MEGF11: variants seen among roughly 807,000 people sequenced by gnomAD.
MEGF11 encodes multiple epidermal growth factor-like domains protein 11.
MEGF11 carries 126 observed loss-of-function variants against 146.6 expected under a neutral mutation model. The ratio of observed to expected loss-of-function variants is 0.86; its 90% confidence interval spans 0.74 to 1.00. The LOEUF (loss-of-function observed/expected upper bound fraction) is 1.00, where lower values mean the gene tolerates loss of function less well. Ranked by LOEUF, MEGF11 falls within the 50% of genes least tolerant of loss-of-function variation. MEGF11 has a pLI of 0.00. For synonymous variants in MEGF11, 532 were observed against 583.4 expected (o/e 0.91, Z 1.27); for missense variants, 1,509 against 1,521.2 (o/e 0.99, Z 0.13).
At chr15:66,201,058 C>T (rs1193893718) in intron 1 of MEGF11, among the ~76,000 whole-genome samples, 1 of 152,248 alleles carries the variant, frequency 6.6e-6, no homozygotes, top group East Asian at 1.9e-4. Flanking sequence ...ACCACATGGC[C>T]TCCATGTGAC....
At chr15:66,167,478 C>T (rs924709744) in intron 1 of MEGF11, among the ~76,000 whole-genome samples, 1 of 152,036 alleles carries the variant, frequency 6.6e-6, no homozygotes, top group Non-Finnish European at 1.5e-5. Flanking sequence ...TCCGTCTCTA[C>T]TAAAAATACA....
At chr15:66,136,006 TCTC>T (rs1436234543) in intron 1 of MEGF11, among the ~76,000 whole-genome samples, 17 of 151,956 alleles carry the variant, frequency 1.1e-4, no homozygotes, top group African/African-American at 3.6e-4. Flanking sequence ...CTCCTCATCT[TCTC>T]CTCCCTCTTC....
At chr15:65,901,473 T>C (rs1283178228) in intron 24 of MEGF11, among the ~76,000 whole-genome samples, 5 of 151,536 alleles carry the variant, frequency 3.3e-5, no homozygotes, top group African/African-American at 1.2e-4. Flanking sequence ...GCTCAGAAAA[T>C]TTGCTAGTAT....
In MEGF11 at chr15:65,906,215, T is replaced by C; in HGVS notation, c.2999-74A>G. 3.6e-6 allele frequency: 4 copies of C among 1,098,304 alleles called. No individual in the cohort carries two copies. The South Asian group carries it at 5.6e-5, about 15-fold the overall frequency. 68.0% of individuals were successfully genotyped at this position (1,098,304 alleles called of 1,614,324 possible). A position where few individuals can be genotyped will look rare whatever the true frequency, so the allele number is the denominator to read the frequency against. On this transcript the variant is annotated intron_variant, in intron 23 of 25. Coordinates refer to ENST00000395614, the MANE Select transcript of MEGF11 (RefSeq NM_001385028.1). ...CTTAGACTGCTTGTGTTCTTCTTTC[T>C]TTTCTTGCTTTTCCCCCCCCTTCTC...
intron 3 of MEGF11, among the ~76,000 whole-genome samples, chr15:66,122,686 T>C (rs1464226616): frequency 6.6e-6 from 1 of 152,230 alleles, no homozygotes; most frequent in Non-Finnish European, 1.5e-5. Context: ...TCCTCCATTT[T>C]CCCCTGTATT....
intron 5 of MEGF11, among the ~76,000 whole-genome samples, chr15:66,059,694 G>A (rs961026330): frequency 1.3e-5 from 2 of 152,112 alleles, no homozygotes; most frequent in South Asian, 4.2e-4. Context: ...CAGAGGGAGA[G>A]ATCCAGTGAT....
At chr15:66,189,846 T>TA (rs2090822209) in intron 1 of MEGF11, among the ~76,000 whole-genome samples, 3 of 54,296 alleles carry the variant, frequency 5.5e-5, no homozygotes, top group South Asian at 7.9e-4. Flanking sequence ...GGGCATTAAA[T>TA]CCCACTCGAA....
At chr15:66,242,101 A>G (rs1018245954) in intron 1 of MEGF11, among the ~76,000 whole-genome samples, 3 of 152,138 alleles carry the variant, frequency 2.0e-5, no homozygotes, top group Admixed American at 6.5e-5. Flanking sequence ...AGTCTTCACA[A>G]AGCAGCACTA....
At chr15:66,136,269 C>T (rs535769068) in intron 1 of MEGF11, among the ~76,000 whole-genome samples, 5 of 152,334 alleles carry the variant, frequency 3.3e-5, no homozygotes, top group Middle Eastern at 3.4e-3. Context: ...CTGTCGTGGT[C>T]GGGATCCTTA....
rs1361013915 is a variant in MEGF11, at chr15:66,008,614, A to G, written c.395-26126T>C. Among the ~76,000 whole-genome samples the G allele has an allele frequency of 2.0e-5, 3 of 152,216 alleles. No homozygotes were observed. In the East Asian group the frequency reaches 5.8e-4, roughly 29 times the overall value. ...AAAAGTGGGAGGATTGCTTGAGCCCAAGAGTTCCAGACCAGCCTTGGCAAT... is the reference window on the plus strand; with the variant it reads ...AAAAGTGGGAGGATTGCTTGAGCCCGAGAGTTCCAGACCAGCCTTGGCAAT... On this transcript the variant is annotated intron_variant, in intron 5 of 25. Transcript: ENST00000395614.
Position 66,128,391 on chromosome 15 carries a change from G to T in MEGF11, c.13C>A (p.Leu5Met). 6.6e-7 allele frequency: 1 copy of T among 1,514,422 alleles called. No individual in the cohort carries two copies. Among genetic ancestry groups the T allele is most frequent in the Non-Finnish European group, 8.9e-7 (1 of 1,129,700 alleles). The allele number at this position is 1,514,422 out of a possible 1,614,324, so 93.8% of individuals were successfully genotyped here. ...AAGGAGAAGGCAATGAGCCCCGTCA[G>T]GGAGAGCACCATCCCGGGCCCTGCA... MVLS[L>M]TGLIAFSFLQ... The change falls in exon 2 of 26, where the codon CTG becomes ATG. Residue 5 changes from leucine (L) to methionine (M), a missense_variant. Physicochemically the swap from Leu to Met is conservative, Grantham distance 15. Coordinates refer to ENST00000395614, the MANE Select transcript of MEGF11 (RefSeq NM_001385028.1).
chr15:66,007,626 C>A (rs417442), intron 5 of MEGF11, among the ~76,000 whole-genome samples: 1 of 152,162 alleles, frequency 6.6e-6, no homozygotes, highest in African/African-American at 2.4e-5. Context: ...GGTACGTGCT[C>A]GTGGTCCCAG....
At position 65,992,483 on chromosome 15, in the gene MEGF11, A is replaced by G. The variant is rs78207546; in HGVS notation, c.395-9995T>C. Reference sequence around the variant, plus strand: ...GGGGTTAGTCACATCCTGAGGCACTATCAGCCATTAATATCTCAGTTATCT... The same window carrying G: ...GGGGTTAGTCACATCCTGAGGCACTGTCAGCCATTAATATCTCAGTTATCT... On this transcript the variant is annotated intron_variant, in intron 5 of 25. Transcript: ENST00000395614. 7.1e-3 allele frequency among the ~76,000 whole-genome samples: 1,066 copies of G among 149,874 alleles called. 10 individuals are homozygous for G. The highest frequency in any genetic ancestry group is 0.023 in the African/African-American group (953 of 40,560).
Position 65,913,881 on chromosome 15 carries a change from T to A in MEGF11, c.2566A>T (p.Met856Leu), listed in dbSNP as rs1368724507. The part of the protein sequence containing the change: ...RHSVGAVTGI[M>L]LLLFLIVVLL... ...ACCACAATGAGGAATAACAGGAGCA[T>A]GATGCCTGTGACAGCACCCACCGAG... The change falls in exon 20 of 26, where the codon ATG (methionine) becomes TTG (leucine). Residue 856 changes from methionine to leucine, a missense_variant. Met to Leu is a conservative substitution (Grantham distance 15). Transcript: ENST00000395614. 1.2e-6 allele frequency: 2 copies of A among 1,613,802 alleles called. No individual in the cohort carries two copies. Among genetic ancestry groups the A allele is most frequent in the Non-Finnish European group, 1.7e-6 (2 of 1,179,870 alleles).
intron 3 of MEGF11, among the ~76,000 whole-genome samples, chr15:66,119,857 C>T (rs1473090229): frequency 6.6e-6 from 1 of 152,138 alleles, no homozygotes; most frequent in Non-Finnish European, 1.5e-5. Context: ...GGGTTCCAGA[C>T]CTTACGCTGA....
At chr15:65,908,276 A>T (rs1435087685) in intron 23 of MEGF11, among the ~76,000 whole-genome samples, 1 of 152,146 alleles carries the variant, frequency 6.6e-6, no homozygotes, top group African/African-American at 2.4e-5. Context: ...AGCCACCTAG[A>T]GCCTGAGGTC....
intron 20 of MEGF11, 33 bp downstream of exon 20, chr15:65,913,704 G>A (rs748464879): frequency 3.9e-6 from 6 of 1,555,772 alleles, no homozygotes; most frequent in South Asian, 1.2e-5. Flanking sequence ...GTGTGGAGGG[G>A]AAGAGGAGGG....
intron 13 of MEGF11, among the ~76,000 whole-genome samples, chr15:65,928,038 A>T (rs952041517): frequency 6.6e-6 from 1 of 152,060 alleles, no homozygotes; most frequent in African/African-American, 2.4e-5. Flanking sequence ...GGATGGAGAG[A>T]AGTAGATGGA....
chr15:65,962,515 G>A (rs917463432), intron 9 of MEGF11, among the ~76,000 whole-genome samples: 1 of 152,206 alleles, frequency 6.6e-6, no homozygotes, highest in African/African-American at 2.4e-5. Context: ...AATGTTCATG[G>A]TGGCAAGGTT....
Sources: gnomAD v4.1 joint callset for allele counts (sites outside exome capture counted in the v4.1 genomes callset) on GRCh38, gnomAD v4.1.1 for gene constraint, MANE v1.5 for transcripts, NCBI Gene and HGNC (gene_info 2026-07-23, HGNC 2026-07-21) for gene names.